NFATC1: variants seen among roughly 807,000 people sequenced by gnomAD.
NFATC1 encodes nuclear factor of activated T cells 1.
A neutral mutation model predicts 76.0 loss-of-function variants in NFATC1; 22 were observed. That is an observed-to-expected ratio of 0.29 (90% confidence interval 0.21 to 0.41). The LOEUF (loss-of-function observed/expected upper bound fraction) is 0.41, where lower values mean the gene tolerates loss of function less well. NFATC1 is among the 10% of genes least tolerant of loss of function. The probability of loss-of-function intolerance (pLI) is 1.00; values close to 1 mark genes in which losing one functional copy is unlikely to be tolerated. For missense variants in NFATC1, 1,357 were observed against 1,337.7 expected (o/e 1.01, Z -0.23); for synonymous variants, 704 against 613.1 (o/e 1.15, Z -2.19).
chr18:79,437,603 C>T (rs2086827523), intron 3 of NFATC1, among the ~76,000 whole-genome samples: 1 of 152,264 alleles, frequency 6.6e-6, no homozygotes, highest in Non-Finnish European at 1.5e-5. Context: ...GCGGATGTTT[C>T]CCTCTGGCCT....
chr18:79,528,926 G>A lies in NFATC1; in HGVS notation c.*1349G>A, dbSNP rs2090834953. ...TTATTCATTGAAACACGGTTGACCT[G>A]AACTCGTGCCTTAGGAATTAATGCC... On this transcript the variant is annotated 3_prime_UTR_variant, in exon 10 of 10. Coordinates refer to ENST00000427363, the MANE Select transcript of NFATC1 (RefSeq NM_001278669.2). The A allele has an allele frequency of 6.6e-6, 1 of 152,632 alleles. No homozygotes were observed. The highest frequency in any genetic ancestry group is 1.5e-5 in the Non-Finnish European group (1 of 68,044). The allele number at this position is 152,632 out of a possible 1,614,324, so 9.5% of individuals were successfully genotyped here. A position where few individuals can be genotyped will look rare whatever the true frequency, so the allele number is the denominator to read the frequency against.
At position 79,465,569 on chromosome 18, in the gene NFATC1, T is replaced by G. The variant is rs145155449; in HGVS notation, c.1960-1881T>G. Among the ~76,000 whole-genome samples, 2,035 of 151,874 alleles carry G rather than the reference T, an allele frequency of 0.013. 57 individuals carry two copies. Among genetic ancestry groups the G allele is most frequent in the African/African-American group, 0.047 (1,942 of 41,432 alleles). ...GGGTCCCCGCCTCCACCCCAGCCTG[T>G]CCCGTGGGGTCCCCGCCTCCCCACT... On this transcript the variant is annotated intron_variant, in intron 7 of 9. Coordinates refer to ENST00000427363, the MANE Select transcript of NFATC1 (RefSeq NM_001278669.2). This position sits in a 1 kb window ranked among gnomAD's most constrained non-coding sequence, Gnocchi z 4.2.
chr18:79,410,255 G>T lies in NFATC1; in HGVS notation c.128-148G>T. ...ACTCCAAGTCGCCCGGAGCTGTCCGGCAGCGTGGTCTCAGGGACGTTTGCT... is the reference window on the plus strand; with the variant it reads ...ACTCCAAGTCGCCCGGAGCTGTCCGTCAGCGTGGTCTCAGGGACGTTTGCT... On this transcript the variant is annotated intron_variant, in intron 1 of 9. Transcript: ENST00000427363. The surrounding 1 kb of genome is among the most constrained non-coding windows in gnomAD (Gnocchi z 6.7). 1 of 1,313,804 alleles carries T rather than the reference G, an allele frequency of 7.6e-7. No individual in the cohort carries two copies. 81.4% of individuals were successfully genotyped at this position (1,313,804 alleles called of 1,614,324 possible).
At chr18:79,413,285 C>A (rs533521974) in intron 2 of NFATC1, among the ~76,000 whole-genome samples, 1 of 152,188 alleles carries the variant, frequency 6.6e-6, no homozygotes, top group Non-Finnish European at 1.5e-5. Context: ...GTATTTGTTT[C>A]CTGGGGCTGC....
rs560914747 is a variant in NFATC1, at chr18:79,397,965, T to C, written c.127+1614T>C. The stretch of plus-strand genomic sequence containing the variant: ...ACTGGGCCAGCCGGAAAGTGTGATC[T>C]AGTCCTTGATACACACAGGCCGGCA... On this transcript the variant is annotated intron_variant, in intron 1 of 9. Coordinates refer to ENST00000427363, the MANE Select transcript of NFATC1 (RefSeq NM_001278669.2). 8.5e-5 allele frequency among the ~76,000 whole-genome samples: 13 copies of C among 152,286 alleles called. No individual in the cohort carries two copies. In the South Asian group the frequency reaches 2.5e-3, roughly 29 times the overall value.
At chr18:79,474,888 C>T (rs1429686646) in intron 8 of NFATC1, among the ~76,000 whole-genome samples, 12 of 126,010 alleles carry the variant, frequency 9.5e-5, no homozygotes, top group Non-Finnish European at 2.1e-4. Context: ...TCACTGTCGA[C>T]GTTGTAAACC....
At chr18:79,444,682 T>C (rs574385688) in intron 3 of NFATC1, among the ~76,000 whole-genome samples, 1 of 152,012 alleles carries the variant, frequency 6.6e-6, no homozygotes, top group Non-Finnish European at 1.5e-5. Context: ...GGCACCCACG[T>C]GCCCGACCCC....
At chr18:79,492,566 G>A (rs966277385) in intron 9 of NFATC1, among the ~76,000 whole-genome samples, 2 of 152,074 alleles carry the variant, frequency 1.3e-5, no homozygotes, top group African/African-American at 2.4e-5. Flanking sequence ...AAAATTAGCC[G>A]GGAGTGGTGG....
At chr18:79,457,937 T>G (rs2087826131) in intron 6 of NFATC1, among the ~76,000 whole-genome samples, 1 of 152,190 alleles carries the variant, frequency 6.6e-6, no homozygotes, top group African/African-American at 2.4e-5. Flanking sequence ...GGGGTCTTTC[T>G]GTGGCTGAGG....
intron 9 of NFATC1, among the ~76,000 whole-genome samples, chr18:79,507,750 T>A (rs528120904): frequency 6.6e-6 from 1 of 152,372 alleles, no homozygotes; most frequent in Non-Finnish European, 1.5e-5. Flanking sequence ...AAGAAAAACC[T>A]TCTCCCTCGC....
intron 2 of NFATC1, among the ~76,000 whole-genome samples, chr18:79,412,321 G>A (rs976335553): frequency 3.3e-5 from 5 of 152,254 alleles, no homozygotes; most frequent in Non-Finnish European, 7.3e-5. Context: ...CCGTGCAGGA[G>A]GTCGAGGGCA....
chr18:79,517,973 G>A (rs1280168398), intron 9 of NFATC1, among the ~76,000 whole-genome samples: 3 of 152,244 alleles, frequency 2.0e-5, no homozygotes, highest in African/African-American at 7.2e-5. Context: ...TAGCGTGGCT[G>A]AACCACATTG....
intron 8 of NFATC1, 185 bp downstream of exon 8, chr18:79,467,767 A>G (rs1040194396): frequency 1.1e-5 from 10 of 912,894 alleles, no homozygotes; most frequent in African/African-American, 2.3e-5. Flanking sequence ...CTTCGGATGC[A>G]TTTTCCTTGA....
chr18:79,460,529 A>G (rs2088007907), intron 6 of NFATC1, among the ~76,000 whole-genome samples: 1 of 152,232 alleles, frequency 6.6e-6, no homozygotes, highest in Non-Finnish European at 1.5e-5. Context: ...AGCAGAGAGC[A>G]CAACGCGTCC....
rs188233310 is a variant in NFATC1 at position 79,399,707 on chromosome 18, G to A, written c.127+3356G>A. Among the ~76,000 whole-genome samples the A allele has an allele frequency of 2.1e-3, 312 of 151,834 alleles. 1 individual carries two copies. The highest frequency in any genetic ancestry group is 6.7e-3 in the African/African-American group (279 of 41,432). On this transcript the variant is annotated intron_variant, in intron 1 of 9. Coordinates refer to ENST00000427363, the MANE Select transcript of NFATC1 (RefSeq NM_001278669.2). Reference sequence around the variant, plus strand: ...CCCGCGGGGCGGGGGCGCGCAGGGCGGGTGTTTGGAGGCTGGGGACTCGCA... The same window carrying A: ...CCCGCGGGGCGGGGGCGCGCAGGGCAGGTGTTTGGAGGCTGGGGACTCGCA...
At chr18:79,446,560 A>G (rs544635469) in intron 3 of NFATC1, among the ~76,000 whole-genome samples, 49 of 152,306 alleles carry the variant, frequency 3.2e-4, no homozygotes, top group African/African-American at 1.2e-3. Context: ...AGTCCCACAG[A>G]GAGTTAAGGT....
intron 1 of NFATC1, among the ~76,000 whole-genome samples, chr18:79,401,328 A>G (rs1049097058): frequency 7.2e-5 from 11 of 152,124 alleles, no homozygotes; most frequent in Admixed American, 1.3e-4. Context: ...AATGAGGGTC[A>G]TATTTTCCGT....
chr18:79,466,237 C>T (rs1038419930), intron 7 of NFATC1, among the ~76,000 whole-genome samples: 1 of 152,234 alleles, frequency 6.6e-6, no homozygotes, highest in Non-Finnish European at 1.5e-5. Flanking sequence ...GTGATTCAAT[C>T]AATTTGGCTA....
In NFATC1 at chr18:79,506,573, T is replaced by C. The variant is rs559287424; in HGVS notation, c.2782+19636T>C. On this transcript the variant is annotated intron_variant, in intron 9 of 9. Transcript: ENST00000427363. ...ATGCTCAGTGCTGGGGGAATTGGGC[T>C]TGAAGCCATCACGTCCAACACACGG... Among the ~76,000 whole-genome samples, 6 of 152,354 alleles carry C rather than the reference T, an allele frequency of 3.9e-5. No homozygotes were observed. In the East Asian group the frequency reaches 9.6e-4, roughly 24 times the overall value.
Sources: allele counts gnomAD v4.1 joint callset (sites outside exome capture counted in the v4.1 genomes callset), GRCh38; gene constraint gnomAD v4.1.1; non-coding constraint Gnocchi (gnomAD v3.1); transcripts MANE v1.5; gene names NCBI Gene and HGNC (gene_info 2026-07-23, HGNC 2026-07-21).